Variants in EXOC4 observed in about 807,000 individuals in gnomAD.
The protein encoded by EXOC4 is exocyst complex component 4.
EXOC4 carries 71 observed loss-of-function variants against 107.2 expected under a neutral mutation model. The observed-to-expected ratio is 0.66, with a 90% CI of 0.55 to 0.81. The LOEUF is 0.81. EXOC4 is among the 30% of genes least tolerant of loss of function. The pLI, the probability that EXOC4 is intolerant of heterozygous loss-of-function variation, is 0.00. For synonymous variants in EXOC4, 456 were observed against 441.2 expected, an observed-to-expected ratio of 1.03 and a Z score of -0.42; for missense variants, 1,108 against 1,189.6, an observed-to-expected ratio of 0.93 and a Z score of 1.01.
At chr7:133,926,820 A>C (rs1262719581) in intron 13 of EXOC4, among the ~76,000 whole-genome samples, 1 of 152,166 alleles carries the variant, frequency 6.6e-6, no homozygotes, top group Non-Finnish European at 1.5e-5. Flanking sequence ...TCTTTATTTT[A>C]TCTGGAGAAT....
intron 15 of EXOC4, among the ~76,000 whole-genome samples, chr7:134,001,544 C>T (rs1397524259): frequency 2.0e-5 from 3 of 152,016 alleles, no homozygotes; most frequent in Non-Finnish European, 4.4e-5. Context: ...GTCTTCTCCC[C>T]CAGTAGCTTG....
intron 14 of EXOC4, among the ~76,000 whole-genome samples, chr7:133,990,504 C>T (rs145339253): frequency 0.011 from 1,728 of 152,262 alleles, 28 homozygotes; most frequent in African/African-American, 0.039. Context: ...GGCTGGAGTG[C>T]AGTGGCGCAA....
chr7:133,835,866 T>C (rs1797908098), intron 11 of EXOC4, among the ~76,000 whole-genome samples: 3 of 152,332 alleles, frequency 2.0e-5, no homozygotes, highest in South Asian at 4.1e-4. Flanking sequence ...CAGCTTTATC[T>C]AGGGAAAACC....
intron 11 of EXOC4, among the ~76,000 whole-genome samples, chr7:133,850,207 C>G (rs1328439371): frequency 1.3e-5 from 2 of 152,076 alleles, no homozygotes; most frequent in Non-Finnish European, 2.9e-5. Flanking sequence ...CATTTTTAGC[C>G]TAGAGCTTTG....
chr7:133,935,358 C>T (rs528467710), intron 13 of EXOC4, among the ~76,000 whole-genome samples: 1 of 152,242 alleles, frequency 6.6e-6, no homozygotes, highest in African/African-American at 2.4e-5. Context: ...GGCAGGAAAA[C>T]TTGGTGGGGT....
chr7:133,482,548 A>G (rs769452871), intron 9 of EXOC4, among the ~76,000 whole-genome samples: 2 of 152,138 alleles, frequency 1.3e-5, no homozygotes, highest in African/African-American at 2.4e-5. Context: ...GAGAGACAGT[A>G]TAGGGTGGCA....
chr7:133,953,708 C>A (rs1227662005), intron 14 of EXOC4, among the ~76,000 whole-genome samples: 1 of 152,076 alleles, frequency 6.6e-6, no homozygotes, highest in Non-Finnish European at 1.5e-5. Context: ...CCTTTCACTC[C>A]TAGAGAATTC....
At chr7:133,865,987 C>G (rs1343734255) in intron 11 of EXOC4, among the ~76,000 whole-genome samples, 1 of 152,056 alleles carries the variant, frequency 6.6e-6, no homozygotes, top group Non-Finnish European at 1.5e-5. Context: ...AGTCATTTAT[C>G]AATATTTTCT....
At chr7:133,369,989 A>C (rs1796336049) in intron 6 of EXOC4, among the ~76,000 whole-genome samples, 1 of 151,996 alleles carries the variant, frequency 6.6e-6, no homozygotes, top group African/African-American at 2.4e-5. Context: ...CTTTTAGTAG[A>C]GATGGGGTTT....
intron 9 of EXOC4, among the ~76,000 whole-genome samples, chr7:133,571,760 T>C (rs1801029127): frequency 6.6e-6 from 1 of 152,008 alleles, no homozygotes; most frequent in African/African-American, 2.4e-5. Flanking sequence ...CAGGTTTGGC[T>C]GTTTGGCTGT....
chr7:133,729,914 TA>T (rs1795291282), intron 10 of EXOC4, among the ~76,000 whole-genome samples: 1 of 151,936 alleles, frequency 6.6e-6, no homozygotes, highest in African/African-American at 2.4e-5. Flanking sequence ...GTCAAAGGTA[TA>T]CGATACATTA....
At chr7:133,335,279 T>C (rs1795487211) in intron 5 of EXOC4, among the ~76,000 whole-genome samples, 1 of 152,184 alleles carries the variant, frequency 6.6e-6, no homozygotes, top group Admixed American at 6.5e-5. Context: ...GTTAAGTATA[T>C]TCACACTGTT....
intron 17 of EXOC4, among the ~76,000 whole-genome samples, chr7:134,031,805 G>C (rs560726329): frequency 1.4e-4 from 22 of 152,328 alleles, no homozygotes; most frequent in Admixed American, 4.6e-4. Flanking sequence ...AGCTAAAGAA[G>C]CATACAGAAT....
intron 9 of EXOC4, among the ~76,000 whole-genome samples, chr7:133,491,817 G>A (rs1355030260): frequency 6.6e-6 from 1 of 152,138 alleles, no homozygotes; most frequent in Non-Finnish European, 1.5e-5. Flanking sequence ...GAATTCTTAC[G>A]CCGAACTGGT....
intron 10 of EXOC4, among the ~76,000 whole-genome samples, chr7:133,739,158 G>C (rs2151126420): frequency 6.6e-6 from 1 of 152,024 alleles, no homozygotes; most frequent in Middle Eastern, 3.4e-3. Flanking sequence ...GACATTTTAT[G>C]AAAGGATGGC....
intron 7 of EXOC4, among the ~76,000 whole-genome samples, chr7:133,375,401 G>A (rs981958037): frequency 2.6e-5 from 4 of 152,086 alleles, no homozygotes; most frequent in Admixed American, 6.5e-5. Flanking sequence ...GCTTGAACTC[G>A]GGAGGCAGAG....
At chr7:133,368,202 C>T (rs1796287910) in intron 6 of EXOC4, among the ~76,000 whole-genome samples, 1 of 152,222 alleles carries the variant, frequency 6.6e-6, no homozygotes, top group Non-Finnish European at 1.5e-5. Flanking sequence ...TGTCACTTCT[C>T]TCAGTTCATT....
intron 7 of EXOC4, among the ~76,000 whole-genome samples, chr7:133,456,190 C>G (rs995293556): frequency 6.6e-6 from 1 of 152,146 alleles, no homozygotes; most frequent in African/African-American, 2.4e-5. Context: ...ATTAATGATC[C>G]TAATTTCTTC....
chr7:133,305,419 G>A (rs185892178), intron 3 of EXOC4, among the ~76,000 whole-genome samples: 1 of 152,184 alleles, frequency 6.6e-6, no homozygotes, highest in Non-Finnish European at 1.5e-5. Context: ...CCCGACTCTT[G>A]GTAAGCACAA....
Sources: allele counts gnomAD v4.1 joint callset (sites outside exome capture counted in the v4.1 genomes callset), GRCh38; gene constraint gnomAD v4.1.1; transcripts MANE v1.5; gene names NCBI Gene and HGNC (gene_info 2026-07-23, HGNC 2026-07-21).